GNB1L: variants seen among roughly 807,000 people sequenced by gnomAD.
GNB1L encodes guanine nucleotide-binding protein subunit beta-like protein 1.
GNB1L carries 20 observed loss-of-function variants against 29.1 expected under a neutral mutation model. The observed-to-expected ratio is 0.69, with a 90% confidence interval of 0.48 to 1.00. GNB1L has a LOEUF of 1.00. Ranked by LOEUF, GNB1L falls within the 50% of genes least tolerant of loss-of-function variation. The probability of loss-of-function intolerance (pLI) is 0.00; values close to 1 mark genes in which losing one functional copy is unlikely to be tolerated. For missense variants in GNB1L, 421 were observed against 464.9 expected (o/e 0.91, Z 0.87); for synonymous variants, 193 against 206.5 (o/e 0.93, Z 0.56).
intron 2 of GNB1L, among the ~76,000 whole-genome samples, chr22:19,823,330 C>G (rs1937593745): frequency 6.6e-6 from 1 of 152,190 alleles, no homozygotes; most frequent in Non-Finnish European, 1.5e-5. Context: ...TCCCAAGACC[C>G]ACGGCCCCTG....
chr22:19,849,368 T>C (rs533683015), intron 2 of GNB1L: 8 of 920,288 alleles, frequency 8.7e-6, no homozygotes, highest in Middle Eastern at 5.6e-4. Context: ...TTTTGTTTTT[T>C]GTTGTTTTTT....
Position 19,812,206 on chromosome 22 carries a change from G to A in GNB1L, c.417+79C>T, listed in dbSNP as rs1047247629. 73 of 1,453,494 alleles carry A rather than the reference G, an allele frequency of 5.0e-5. 1 individual carries two copies. The highest frequency in any genetic ancestry group is 1.8e-4 in the Middle Eastern group (1 of 5,582). 90.0% of individuals were successfully genotyped at this position (1,453,494 alleles called of 1,614,324 possible). On this transcript the variant is annotated intron_variant, in intron 5 of 7. Transcript: ENST00000329517. Reference sequence around the variant, plus strand: ...GCTCCATGGAGTCCTGTGGGTAGGCGCAGGCGCCTCCTAATCAAATGCAGA... The same window carrying A: ...GCTCCATGGAGTCCTGTGGGTAGGCACAGGCGCCTCCTAATCAAATGCAGA...
chr22:19,847,205 C>G, intron 2 of GNB1L: 2 of 985,474 alleles, frequency 2.0e-6, no homozygotes. Context: ...CAGCACAGGT[C>G]TGACAGGCCC....
intron 2 of GNB1L, chr22:19,852,036 G>A: frequency 6.2e-7 from 1 of 1,614,212 alleles, no homozygotes. Flanking sequence ...CTTTCTGCAG[G>A]TTTACCGCCA....
At chr22:19,847,225 T>G (rs1397342496) in intron 2 of GNB1L, 1 of 985,368 alleles carries the variant, frequency 1.0e-6, no homozygotes, top group Non-Finnish European at 1.2e-6. Flanking sequence ...CCAGCCACGG[T>G]GGCCCACAGG....
At chr22:19,807,997 G>T (rs1447223940) in intron 5 of GNB1L, among the ~76,000 whole-genome samples, 1 of 152,240 alleles carries the variant, frequency 6.6e-6, no homozygotes, top group East Asian at 1.9e-4. Flanking sequence ...CCAGTACGCG[G>T]ACCAGGGCCA....
chr22:19,825,372 C>T (rs978251696), intron 2 of GNB1L, among the ~76,000 whole-genome samples: 1 of 152,224 alleles, frequency 6.6e-6, no homozygotes, highest in African/African-American at 2.4e-5. Flanking sequence ...ATAATCTCAG[C>T]ACTTTGGGAG....
At position 19,788,842 on chromosome 22, in the gene GNB1L, G is replaced by A. The variant is rs73148914; in HGVS notation, c.851C>T (p.Thr284Met). 0.019 allele frequency: 30,605 copies of A among 1,612,600 alleles called. 344 individuals are homozygous for A. The highest frequency in any genetic ancestry group is 0.023 in the Non-Finnish European group (27,125 of 1,179,868). The change falls in exon 8 of 8, where the codon ACG (threonine) becomes ATG (methionine). Residue 284 changes from threonine to methionine, a missense_variant. Transcript: ENST00000329517. ...GGCCAGCACGGCCAGTGGCTGCATCGTCCGCCAGTGGAACACGCGGATGCG... is the reference window on the plus strand; with the variant it reads ...GGCCAGCACGGCCAGTGGCTGCATCATCCGCCAGTGGAACACGCGGATGCG... ...DHRIRVFHWR[T>M]MQPLAVLAFH...
chr22:19,801,863 G>GC, intron 7 of GNB1L, 138 bp downstream of exon 7: 1 of 725,088 alleles, frequency 1.4e-6, no homozygotes, highest in Non-Finnish European at 2.2e-6. Context: ...GCCATGGACA[G>GC]CCCCCCTGCA....
Position 19,788,435 on chromosome 22 carries a change from T to C in GNB1L, c.*274A>G, listed in dbSNP as rs1937211906. ...GCAACTTGGCAATGGAAATTTATTATAAAATACCCTCAGCTGGCAACACAG... is the reference window on the plus strand; with the variant it reads ...GCAACTTGGCAATGGAAATTTATTACAAAATACCCTCAGCTGGCAACACAG... On this transcript the variant is annotated 3_prime_UTR_variant, in exon 8 of 8. Coordinates refer to ENST00000329517, the MANE Select transcript of GNB1L (RefSeq NM_053004.3). The C allele has an allele frequency of 3.4e-6, 2 of 594,336 alleles. No individual in the cohort carries two copies. Among genetic ancestry groups the C allele is most frequent in the Admixed American group, 6.0e-5 (2 of 33,250 alleles). The allele number at this position is 594,336 out of a possible 1,614,324, so 36.8% of individuals were successfully genotyped here.
At chr22:19,810,753 G>A (rs1937490749) in intron 5 of GNB1L, among the ~76,000 whole-genome samples, 1 of 152,238 alleles carries the variant, frequency 6.6e-6, no homozygotes, top group African/African-American at 2.4e-5. Context: ...AGGCCAGTGA[G>A]GCTTTCTCCC....
At chr22:19,812,100 C>T in intron 5 of GNB1L, among the ~76,000 whole-genome samples, 185 bp downstream of exon 5, 1 of 152,268 alleles carries the variant, frequency 6.6e-6, no homozygotes, top group East Asian at 1.9e-4. Context: ...GGCTCATCAG[C>T]AAGGCCACCC....
At chr22:19,823,393 G>A (rs547538270) in intron 2 of GNB1L, among the ~76,000 whole-genome samples, 4 of 152,202 alleles carry the variant, frequency 2.6e-5, no homozygotes, top group South Asian at 2.1e-4. Flanking sequence ...CAGCCAGGCC[G>A]GGGGCTGGAA....
intron 4 of GNB1L, among the ~76,000 whole-genome samples, chr22:19,817,292 C>G (rs2145879082): frequency 6.6e-6 from 1 of 152,318 alleles, no homozygotes. Flanking sequence ...ATCATCCTGG[C>G]CAACATGGTG....
intron 2 of GNB1L, chr22:19,849,020 C>T: frequency 1.0e-6 from 1 of 985,496 alleles, no homozygotes; most frequent in Non-Finnish European, 1.2e-6. Flanking sequence ...TGACCCAACC[C>T]ACAAAAGGGG....
intron 4 of GNB1L, among the ~76,000 whole-genome samples, chr22:19,813,350 T>C (rs925630214): frequency 3.3e-5 from 5 of 151,396 alleles, no homozygotes; most frequent in Non-Finnish European, 7.4e-5. Context: ...CCAAGAGGAG[T>C]CTCAAGCATC....
intron 5 of GNB1L, among the ~76,000 whole-genome samples, chr22:19,808,139 A>T (rs1466774629): frequency 6.6e-6 from 1 of 152,188 alleles, no homozygotes; most frequent in Non-Finnish European, 1.5e-5. Flanking sequence ...ACTCAGCACC[A>T]GGAGCTCAGC....
intron 5 of GNB1L, 99 bp downstream of exon 5, chr22:19,812,186 A>G: frequency 7.7e-7 from 1 of 1,294,926 alleles, no homozygotes; most frequent in African/African-American, 1.5e-5. Context: ...GGGCGGCTCC[A>G]TGGAGTCCTG....
chr22:19,852,197 G>A, intron 2 of GNB1L: 1 of 1,613,818 alleles, frequency 6.2e-7, no homozygotes, highest in Non-Finnish European at 8.5e-7. Flanking sequence ...ATGTGCGTTG[G>A]CATAATTGGC....
Sources: allele counts gnomAD v4.1 joint callset (sites outside exome capture counted in the v4.1 genomes callset), GRCh38; gene constraint gnomAD v4.1.1; transcripts MANE v1.5; gene names NCBI Gene and HGNC (gene_info 2026-07-23, HGNC 2026-07-21).